The following PRUNE2 variants were observed in gnomAD, a reference collection of about 807,000 sequenced individuals.
PRUNE2 encodes the protein protein prune homolog 2.
Under a neutral mutation model 252.0 loss-of-function variants are expected in PRUNE2, and 164 were observed. The ratio of observed to expected loss-of-function variants is 0.65; its 90% CI spans 0.57 to 0.74. The LOEUF is 0.74. PRUNE2 is among the 30% of genes least tolerant of loss of function. The pLI is 0.00. For missense variants in PRUNE2, 3,495 were observed against 3,711.0 expected (o/e 0.94, Z 1.51); for synonymous variants, 1,292 against 1,350.2 (o/e 0.96, Z 0.94).
intron 17 of PRUNE2, 104 bp downstream of exon 17, chr9:76,624,348 T>C (rs1366939176): frequency 4.5e-6 from 3 of 660,830 alleles, no homozygotes; most frequent in East Asian, 6.3e-5. Context: ...AGTGCATTAT[T>C]ATCAGGAAGC....
intron 6 of PRUNE2, among the ~76,000 whole-genome samples, chr9:76,768,947 T>C (rs1180515290): frequency 1.3e-5 from 2 of 152,216 alleles, no homozygotes; most frequent in Non-Finnish European, 2.9e-5. Flanking sequence ...TGCCTTGTTT[T>C]AACAAGTCAA....
intron 1 of PRUNE2, among the ~76,000 whole-genome samples, chr9:76,896,207 G>A (rs1731538513): frequency 1.3e-5 from 2 of 152,172 alleles, no homozygotes; most frequent in Admixed American, 1.3e-4. Context: ...AAACAAGGTT[G>A]GTGAACACTG....
At chr9:76,690,883 A>G (rs2044645784) in intron 9 of PRUNE2, among the ~76,000 whole-genome samples, 1 of 152,154 alleles carries the variant, frequency 6.6e-6, no homozygotes, top group Admixed American at 6.5e-5. Context: ...TACCCTAAAA[A>G]TGTTTAATTT....
At chr9:76,830,662 A>G (rs2058617312) in intron 4 of PRUNE2, among the ~76,000 whole-genome samples, 2 of 151,924 alleles carry the variant, frequency 1.3e-5, no homozygotes, top group South Asian at 4.2e-4. Context: ...AAAAACAAAA[A>G]AAGAAAAAAA....
chr9:76,788,509 T>C (rs900769556), intron 6 of PRUNE2: 8 of 719,044 alleles, frequency 1.1e-5, no homozygotes, highest in Non-Finnish European at 2.1e-5. Flanking sequence ...CCATGTGCCC[T>C]TGGGGAAAAG....
intron 9 of PRUNE2, among the ~76,000 whole-genome samples, chr9:76,666,500 T>C (rs924608194): frequency 3.3e-5 from 5 of 152,200 alleles, no homozygotes; most frequent in Non-Finnish European, 5.9e-5. Flanking sequence ...GTCTCTGATA[T>C]GCAGAAATAA....
intron 6 of PRUNE2, among the ~76,000 whole-genome samples, chr9:76,801,624 T>TA (rs559506903): frequency 4.0e-5 from 6 of 151,870 alleles, no homozygotes; most frequent in African/African-American, 1.5e-4. Flanking sequence ...CACTTATTGT[T>TA]AAAAAAAAGT....
chr9:76,782,400 C>T (rs1198837706), intron 6 of PRUNE2, among the ~76,000 whole-genome samples: 3 of 152,076 alleles, frequency 2.0e-5, no homozygotes, highest in Admixed American at 2.0e-4. Context: ...AGACCATGAA[C>T]GCTAGGGCCA....
At chr9:76,855,078 A>ATAT (rs1166621444) in intron 1 of PRUNE2, among the ~76,000 whole-genome samples, 1 of 132,980 alleles carries the variant, frequency 7.5e-6, no homozygotes, top group African/African-American at 3.1e-5. Context: ...AAAAAAAAAA[A>ATAT]AAAAATATAT....
chr9:76,653,011 A>G (rs1847999715), intron 10 of PRUNE2, among the ~76,000 whole-genome samples: 1 of 152,194 alleles, frequency 6.6e-6, no homozygotes, highest in African/African-American at 2.4e-5. Context: ...AAGTCCTTTC[A>G]GCAAAAGCAG....
intron 6 of PRUNE2, among the ~76,000 whole-genome samples, chr9:76,772,402 G>C (rs990428744): frequency 1.3e-5 from 2 of 151,920 alleles, no homozygotes; most frequent in African/African-American, 4.8e-5. Context: ...ACATAGGTTG[G>C]GGCATAACCA....
Position 76,812,713 on chromosome 9 carries a change from T to G in PRUNE2, c.756+10919A>C, listed in dbSNP as rs147541110. Among the ~76,000 whole-genome samples the G allele has an allele frequency of 1.7e-4, 26 of 152,302 alleles. No homozygotes were observed. The East Asian group carries it at 4.1e-3, about 24-fold the overall frequency. On this transcript the variant is annotated intron_variant, in intron 6 of 18. Transcript: ENST00000376718. ...ACAGAAGGATTTATAGAAGAGAATGTGACCGGAAGCAATTTTCTCTTGATG... is the reference window on the plus strand; with the variant it reads ...ACAGAAGGATTTATAGAAGAGAATGGGACCGGAAGCAATTTTCTCTTGATG...
intron 6 of PRUNE2, among the ~76,000 whole-genome samples, chr9:76,807,051 TGCGCGCGC>T (rs139801181): frequency 1.4e-5 from 2 of 139,338 alleles, no homozygotes; most frequent in African/African-American, 5.5e-5. Context: ...TGTGTGTGTG[TGCGCGCGC>T]GCGTGTGTCT....
chr9:76,676,659 A>C (rs1051632876), intron 9 of PRUNE2, among the ~76,000 whole-genome samples: 1 of 152,208 alleles, frequency 6.6e-6, no homozygotes, highest in Non-Finnish European at 1.5e-5. Context: ...GTAATTTGAA[A>C]ATATTAAGAT....
Position 76,708,090 on chromosome 9 carries a change from T to G in PRUNE2, c.4184A>C (p.Glu1395Ala). 1.9e-6 allele frequency: 3 copies of G among 1,614,008 alleles called. No individual in the cohort carries two copies. Among genetic ancestry groups the G allele is most frequent in the Non-Finnish European group, 2.5e-6 (3 of 1,179,892 alleles). ...SLAVTFSPQT[E>A]EPEEVLEYEE... ...ATACTCTAAAACTTCCTCTGGTTCC[T>G]CGGTTTGAGGACTGAAAGTGACAGC... is the stretch of plus-strand genomic sequence containing the variant. The change falls in exon 8 of 19, where the codon GAG becomes GCG. Residue 1395 changes from glutamate (E) to alanine (A), a missense_variant. Transcript: ENST00000376718.
chr9:76,804,548 T>G (rs1469497559), intron 6 of PRUNE2, among the ~76,000 whole-genome samples: 1 of 152,212 alleles, frequency 6.6e-6, no homozygotes, highest in African/African-American at 2.4e-5. Flanking sequence ...CTCTGCAAGG[T>G]GTCTTCCATG....
chr9:76,709,029 G>C lies in PRUNE2; in HGVS notation c.3245C>G (p.Pro1082Arg). 1.9e-6 allele frequency: 3 copies of C among 1,613,938 alleles called. No homozygotes were observed. The highest frequency in any genetic ancestry group is 2.5e-6 in the Non-Finnish European group (3 of 1,179,880). ...GESSQSSYDD[P>R]SMMQLYNETN... ...TTCATTGTACAGTTGCATCATGCTG[G>C]GGTCGTCGTAACTGGACTGGCTGCT... The change falls in exon 8 of 19, where the codon CCC becomes CGC. Residue 1082 changes from proline (P) to arginine (R), a missense_variant. By Grantham distance (103) the Pro-to-Arg change is moderately radical (BLOSUM62 -2). Transcript: ENST00000376718.
At chr9:76,649,601 A>AGATAGATAGAT (rs1192802226) in intron 11 of PRUNE2, among the ~76,000 whole-genome samples, 1 of 94,282 alleles carries the variant, frequency 1.1e-5, no homozygotes, top group Non-Finnish European at 2.2e-5. Context: ...ATAGATAGAT[A>AGATAGATAGAT]GATAGATAGA....
At chr9:76,875,646 G>A (rs1368422231) in intron 1 of PRUNE2, among the ~76,000 whole-genome samples, 1 of 152,192 alleles carries the variant, frequency 6.6e-6, no homozygotes, top group East Asian at 1.9e-4. Flanking sequence ...TTACAACTGT[G>A]AGCCACCATG....
Sources: gnomAD v4.1 joint callset for allele counts (sites outside exome capture counted in the v4.1 genomes callset) on GRCh38, gnomAD v4.1.1 for gene constraint, MANE v1.5 for transcripts, NCBI Gene and HGNC (gene_info 2026-07-23, HGNC 2026-07-21) for gene names.